Variants in FSTL5 observed in about 807,000 individuals in gnomAD.
FSTL5 encodes the protein follistatin like 5.
FSTL5 carries 62 observed loss-of-function variants against 89.1 expected under a neutral mutation model. That is an observed-to-expected ratio of 0.70 (90% CI 0.57 to 0.86). FSTL5 has a LOEUF of 0.86. Among genes scored for constraint, FSTL5 ranks in the 40% least tolerant of loss-of-function variants. FSTL5 has a pLI of 0.00. For synonymous variants in FSTL5, 383 were observed against 346.2 expected, an observed-to-expected ratio of 1.11 and a Z score of -1.18; for missense variants, 1,057 against 1,001.6, an observed-to-expected ratio of 1.06 and a Z score of -0.75.
chr4:161,466,583 C>G (rs1733755222), intron 13 of FSTL5, among the ~76,000 whole-genome samples: 1 of 152,076 alleles, frequency 6.6e-6, no homozygotes, highest in South Asian at 2.1e-4. Context: ...TTACAATAAG[C>G]CCCTTCTGCA....
Position 161,842,153 on chromosome 4 carries a change from C to G in FSTL5, c.410-66079G>C, listed in dbSNP as rs142754608. Among the ~76,000 whole-genome samples, 160 of 152,234 alleles carry G rather than the reference C, an allele frequency of 1.1e-3. 1 individual carries two copies. Among genetic ancestry groups the G allele is most frequent in the Admixed American group, 4.6e-3 (70 of 15,282 alleles). On this transcript the variant is annotated intron_variant, in intron 4 of 15. Transcript: ENST00000306100. ...TATTTTGAAGGTACAGTCTGTGAAC[C>G]TTTCCGTGTGTAATTAAGAAGGCCG...
At chr4:161,938,629 C>T (rs919623837) in intron 3 of FSTL5, among the ~76,000 whole-genome samples, 36 of 151,858 alleles carry the variant, frequency 2.4e-4, no homozygotes, top group African/African-American at 8.7e-4. Flanking sequence ...GTAAAATTTC[C>T]AAAGCTGAAA....
chr4:161,657,428 C>T (rs916189027), intron 6 of FSTL5, among the ~76,000 whole-genome samples: 5 of 152,190 alleles, frequency 3.3e-5, no homozygotes, highest in African/African-American at 4.8e-5. Context: ...CGAAACACCA[C>T]GAATTCTAAC....
chr4:162,154,451 G>T (rs1238604336), intron 1 of FSTL5, among the ~76,000 whole-genome samples: 1 of 152,122 alleles, frequency 6.6e-6, no homozygotes, highest in South Asian at 2.1e-4. Flanking sequence ...TTCCTAAATA[G>T]CAAGTGTAAA....
intron 4 of FSTL5, among the ~76,000 whole-genome samples, chr4:161,883,146 C>A (rs927578715): frequency 6.6e-6 from 1 of 151,994 alleles, no homozygotes; most frequent in African/African-American, 2.4e-5. Context: ...AGATAAAAGT[C>A]TGAAAATAAG....
intron 3 of FSTL5, among the ~76,000 whole-genome samples, chr4:161,957,131 T>C (rs1735046993): frequency 6.6e-6 from 1 of 152,132 alleles, no homozygotes. Flanking sequence ...CCTTGGGCTA[T>C]AAAATGACAG....
At chr4:161,609,591 C>A (rs1040767222) in intron 7 of FSTL5, among the ~76,000 whole-genome samples, 2 of 151,836 alleles carry the variant, frequency 1.3e-5, no homozygotes, top group Non-Finnish European at 2.9e-5. Flanking sequence ...TAAATCAGTT[C>A]AAATTGTCAA....
chr4:161,994,633 G>A (rs1404011579), intron 3 of FSTL5, among the ~76,000 whole-genome samples: 1 of 152,180 alleles, frequency 6.6e-6, no homozygotes, highest in Non-Finnish European at 1.5e-5. Context: ...AATAATCAGT[G>A]ATATTGAGCT....
intron 3 of FSTL5, among the ~76,000 whole-genome samples, chr4:161,921,643 A>T (rs976791558): frequency 1.3e-5 from 2 of 152,102 alleles, no homozygotes; most frequent in African/African-American, 4.8e-5. Context: ...TTGAGTAGTT[A>T]GTATGTATTA....
At chr4:161,661,069 T>G (rs1736690654) in intron 6 of FSTL5, among the ~76,000 whole-genome samples, 1 of 152,144 alleles carries the variant, frequency 6.6e-6, no homozygotes, top group African/African-American at 2.4e-5. Flanking sequence ...GTATGGCAAT[T>G]CCTCAATGAC....
intron 1 of FSTL5, among the ~76,000 whole-genome samples, chr4:162,135,400 A>G (rs1218488621): frequency 6.6e-6 from 1 of 152,132 alleles, no homozygotes. Context: ...AGAAAAATAC[A>G]GATAAGAAAA....
At chr4:161,913,045 G>C (rs1216371036) in intron 4 of FSTL5, among the ~76,000 whole-genome samples, 2 of 152,094 alleles carry the variant, frequency 1.3e-5, no homozygotes, top group African/African-American at 2.4e-5. Flanking sequence ...AAGCAGCAAA[G>C]CATTCAAGAG....
chr4:161,571,953 A>G (rs1410298684), intron 8 of FSTL5, among the ~76,000 whole-genome samples: 1 of 152,170 alleles, frequency 6.6e-6, no homozygotes, highest in African/African-American at 2.4e-5. Flanking sequence ...ATTAGGCTAG[A>G]GACACAATAA....
intron 3 of FSTL5, among the ~76,000 whole-genome samples, chr4:161,948,974 A>G (rs1734815297): frequency 6.6e-6 from 1 of 152,092 alleles, no homozygotes; most frequent in Admixed American, 6.6e-5. Flanking sequence ...AACAGCACAC[A>G]TTTACTCTCC....
intron 6 of FSTL5, among the ~76,000 whole-genome samples, chr4:161,695,163 C>T (rs1738094455): frequency 6.6e-6 from 1 of 151,990 alleles, no homozygotes; most frequent in African/African-American, 2.4e-5. Context: ...ATCACCCAAG[C>T]AGCATACACT....
intron 8 of FSTL5, among the ~76,000 whole-genome samples, chr4:161,565,726 A>G (rs1267386452): frequency 7.3e-6 from 1 of 137,374 alleles, no homozygotes; most frequent in Non-Finnish European, 1.6e-5. Context: ...CTTCTTGTGA[A>G]CGTAGTATAA....
chr4:161,680,036 T>C (rs1379587304), intron 6 of FSTL5, among the ~76,000 whole-genome samples: 1 of 151,902 alleles, frequency 6.6e-6, no homozygotes, highest in Non-Finnish European at 1.5e-5. Flanking sequence ...CAGTTATTTT[T>C]AAATCAAAAC....
At chr4:161,644,818 T>C (rs1393404079) in intron 7 of FSTL5, among the ~76,000 whole-genome samples, 1 of 152,134 alleles carries the variant, frequency 6.6e-6, no homozygotes, top group Non-Finnish European at 1.5e-5. Context: ...TAGGCAAGGA[T>C]AGTTTGAAGG....
intron 2 of FSTL5, among the ~76,000 whole-genome samples, chr4:162,103,051 C>T (rs1027417468): frequency 6.6e-6 from 1 of 151,984 alleles, no homozygotes; most frequent in African/African-American, 2.4e-5. Context: ...ATACCACCTA[C>T]AGATCTATAA....
Sources: allele counts gnomAD v4.1 joint callset (sites outside exome capture counted in the v4.1 genomes callset), GRCh38; gene constraint gnomAD v4.1.1; transcripts MANE v1.5; gene names NCBI Gene and HGNC (gene_info 2026-07-23, HGNC 2026-07-21).